Variants in TEX14 observed in about 807,000 individuals in gnomAD.
The protein encoded by TEX14 is testis expressed 14, intercellular bridge forming factor.
A neutral mutation model predicts 178.6 loss-of-function variants in TEX14; 168 were observed. That is an observed-to-expected ratio of 0.94 (90% CI 0.83 to 1.07). The LOEUF is 1.07. Among genes scored for constraint, TEX14 ranks in the 50% least tolerant of loss-of-function variants. The pLI is 0.00. For missense variants in TEX14, 1,730 were observed against 1,753.6 expected (o/e 0.99, Z 0.24); for synonymous variants, 626 against 634.1 (o/e 0.99, Z 0.19).
intron 2 of TEX14, chr17:58,631,624 A>C (rs567636131): frequency 6.6e-6 from 1 of 151,942 alleles, no homozygotes; most frequent in African/African-American, 2.4e-5. Flanking sequence ...AACATCTGAA[A>C]AAAAAAAAAA....
intron 11 of TEX14, among the ~76,000 whole-genome samples, chr17:58,602,827 G>A (rs1235063104): frequency 1.3e-5 from 2 of 151,950 alleles, no homozygotes; most frequent in Admixed American, 6.6e-5. Context: ...CAGCACTTTG[G>A]GAGGCCGAGG....
At chr17:58,682,752 A>G (rs547688487) in intron 1 of TEX14, among the ~76,000 whole-genome samples, 22 of 152,278 alleles carry the variant, frequency 1.4e-4, no homozygotes, top group African/African-American at 4.8e-4. Flanking sequence ...TTTCATTGCT[A>G]TTGGCCTAGT....
intron 21 of TEX14, among the ~76,000 whole-genome samples, chr17:58,576,625 T>C (rs2044684040): frequency 6.6e-6 from 1 of 152,166 alleles, no homozygotes; most frequent in South Asian, 2.1e-4. Context: ...ATACAGAACA[T>C]TTCTACTACC....
chr17:58,601,657 G>C, intron 13 of TEX14, 149 bp downstream of exon 13: 1 of 693,424 alleles, frequency 1.4e-6, no homozygotes, highest in Non-Finnish European at 2.4e-6. Flanking sequence ...GCATGCCACT[G>C]TACTCCAGTC....
Sources: allele counts gnomAD v4.1 joint callset (sites outside exome capture counted in the v4.1 genomes callset), GRCh38; gene constraint gnomAD v4.1.1; transcripts MANE v1.5; gene names NCBI Gene and HGNC (gene_info 2026-07-23, HGNC 2026-07-21).